Variants in TRIM17 observed in about 807,000 individuals in gnomAD.
TRIM17 encodes the protein E3 ubiquitin-protein ligase TRIM17.
A neutral mutation model predicts 35.8 loss-of-function variants in TRIM17; 27 were observed. The observed-to-expected ratio is 0.75, with a 90% CI of 0.56 to 1.04. The LOEUF (loss-of-function observed/expected upper bound fraction) is 1.04. TRIM17 is among the 50% of genes least tolerant of loss of function. The pLI is 0.00. For synonymous variants in TRIM17, 246 were observed against 252.6 expected, an observed-to-expected ratio of 0.97 and a Z score of 0.25; for missense variants, 582 against 612.8, an observed-to-expected ratio of 0.95 and a Z score of 0.53.
chr1:228,408,880 T>C lies in TRIM17; in HGVS notation c.884-129A>G. ...CTAACTCCGCAGAGGCCTCCCCTGC[T>C]GTGAATCTGGGGTTACTTGATGCTT... On this transcript the variant is annotated intron_variant, in intron 6 of 6. Transcript: ENST00000366698. The surrounding 1 kb of genome is among the most constrained non-coding windows in gnomAD (Gnocchi z 6.3). 3 of 1,481,880 alleles carry C rather than the reference T, an allele frequency of 2.0e-6. No individual in the cohort carries two copies. Among genetic ancestry groups the C allele is most frequent in the Non-Finnish European group, 2.7e-6 (3 of 1,115,484 alleles). The allele number at this position is 1,481,880 out of a possible 1,614,324, so 91.8% of individuals were successfully genotyped here.
intron 1 of TRIM17, chr1:228,416,010 A>AC (rs1423971442): frequency 6.6e-6 from 1 of 151,754 alleles, no homozygotes; most frequent in Admixed American, 6.6e-5. Flanking sequence ...AACACTCGCG[A>AC]CCCCACGCAG....
At chr1:228,409,358 GC>G in intron 5 of TRIM17, 30 bp downstream of exon 5, 2 of 1,585,560 alleles carry the variant, frequency 1.3e-6, no homozygotes, top group Non-Finnish European at 1.7e-6. Context: ...CGCTGCCACT[GC>G]CCCCGCCCCT....
rs1362693921 is a variant in TRIM17, at chr1:228,415,187, T to C, written c.-41-74A>G. Reference sequence around the variant, plus strand: ...TGCAACCGTCCTGTACAGCCTCCCTTTACAGAGGAGGGCTAGGACTGCAGT... The same window carrying C: ...TGCAACCGTCCTGTACAGCCTCCCTCTACAGAGGAGGGCTAGGACTGCAGT... On this transcript the variant is annotated intron_variant, in intron 1 of 6. Transcript: ENST00000366698. 6 of 1,253,286 alleles carry C rather than the reference T, an allele frequency of 4.8e-6. No individual in the cohort carries two copies. In the East Asian group the frequency reaches 1.3e-4, roughly 27 times the overall value. The allele number at this position is 1,253,286 out of a possible 1,614,324, so 77.6% of individuals were successfully genotyped here. A position where few individuals can be genotyped will look rare whatever the true frequency, so the allele number is the denominator to read the frequency against.
chr1:228,408,483 G>A lies in TRIM17; in HGVS notation c.1152C>T (p.Pro384=), dbSNP rs368638579. The change falls in exon 7 of 7, where the codon CCC becomes CCT. Residue 384 remains proline (P), a synonymous_variant. Coordinates refer to ENST00000366698, the MANE Select transcript of TRIM17 (RefSeq NM_016102.4). The surrounding 1 kb of genome is among the most constrained non-coding windows in gnomAD (Gnocchi z 6.3). ...VSRKDRVPKC[P]ENGFWVVQLS... ...GCTGCACCACCCAGAAGCCGTTTTCGGGGCACTTGGGGACCCTGTCTTTCC... is the reference window on the plus strand; with the variant it reads ...GCTGCACCACCCAGAAGCCGTTTTCAGGGCACTTGGGGACCCTGTCTTTCC... 3.8e-5 allele frequency: 61 copies of A among 1,614,014 alleles called. No homozygotes were observed. Among genetic ancestry groups the A allele is most frequent in the Non-Finnish European group, 4.8e-5 (57 of 1,180,028 alleles).
In TRIM17 at chr1:228,409,424, G is replaced by C; in HGVS notation, c.757-13C>G. Reference sequence around the variant, plus strand: ...GTTCCTTCATGTCCTGCAAAAGACAGGGACGGAGGGTGGGGAGTGAGCCAA... The same window carrying C: ...GTTCCTTCATGTCCTGCAAAAGACACGGACGGAGGGTGGGGAGTGAGCCAA... On this transcript the variant is annotated splice_polypyrimidine_tract_variant and intron_variant, in intron 4 of 6. Transcript: ENST00000366698. 6.6e-7 allele frequency: 1 copy of C among 1,512,052 alleles called. No homozygotes were observed. Among genetic ancestry groups the C allele is most frequent in the South Asian group, 1.3e-5 (1 of 76,976 alleles). The allele number at this position is 1,512,052 out of a possible 1,614,324, so 93.7% of individuals were successfully genotyped here.
intron 3 of TRIM17, among the ~76,000 whole-genome samples, chr1:228,412,920 A>T (rs1051228409): frequency 6.6e-6 from 1 of 152,160 alleles, no homozygotes; most frequent in Non-Finnish European, 1.5e-5. Flanking sequence ...CTAAAAAAAT[A>T]AAGTGCCTGG....
intron 4 of TRIM17, among the ~76,000 whole-genome samples, chr1:228,409,848 A>G (rs981287854): frequency 6.6e-6 from 1 of 152,034 alleles, no homozygotes; most frequent in Admixed American, 6.5e-5. Flanking sequence ...TAGCCTCTTT[A>G]GGGATTCAGA....
At position 228,409,155 on chromosome 1, in the gene TRIM17, C is replaced by T; in HGVS notation, c.883+17G>A. 1 of 1,613,964 alleles carries T rather than the reference C, an allele frequency of 6.2e-7. No homozygotes were observed. Among genetic ancestry groups the T allele is most frequent in the South Asian group, 1.1e-5 (1 of 91,072 alleles). On this transcript the variant is annotated intron_variant, in intron 6 of 6. Coordinates refer to ENST00000366698, the MANE Select transcript of TRIM17 (RefSeq NM_016102.4). ...GAGATCCTGGGTCAGAGGTCCTGGC[C>T]CTGGGTGCCCACTTACCTAGAAAGC...
chr1:228,415,248 T>C (rs1271584218), intron 1 of TRIM17, 135 bp from the exon 2 acceptor site: 4 of 697,796 alleles, frequency 5.7e-6, no homozygotes, highest in Non-Finnish European at 9.3e-6. Context: ...TTTTTAGCCT[T>C]GTCAACAACA....
rs116417401 is a variant in TRIM17, at chr1:228,413,668, G to T, written c.525+129C>A. The stretch of plus-strand genomic sequence containing the variant: ...ATTCTGAGGCCAGCCACAGAACCTA[G>T]AAGGGTAGAGGCAACTTTCTTCTTT... On this transcript the variant is annotated intron_variant, in intron 3 of 6. Coordinates refer to ENST00000366698, the MANE Select transcript of TRIM17 (RefSeq NM_016102.4). The T allele has an allele frequency of 3.0e-5, 21 of 695,370 alleles. No homozygotes were observed. The African/African-American group carries it at 3.5e-4, about 12-fold the overall frequency. The allele number at this position is 695,370 out of a possible 1,614,324, so 43.1% of individuals were successfully genotyped here. A position where few individuals can be genotyped will look rare whatever the true frequency, so the allele number is the denominator to read the frequency against.
intron 4 of TRIM17, 191 bp from the exon 5 acceptor site, chr1:228,409,602 C>T: frequency 1.8e-6 from 1 of 552,580 alleles, no homozygotes; most frequent in East Asian, 3.1e-5. Context: ...ACCAGAGCCC[C>T]CAGTGCCTCA....
intron 3 of TRIM17, among the ~76,000 whole-genome samples, chr1:228,413,044 C>G (rs1656870293): frequency 6.6e-6 from 1 of 151,972 alleles, no homozygotes; most frequent in Non-Finnish European, 1.5e-5. Context: ...AACCCCATCT[C>G]TACTAAAAGT....
rs1478083791 is a variant in TRIM17, at chr1:228,408,358, G to T, written c.1277C>A (p.Ala426Asp). 1 of 1,614,134 alleles carries T rather than the reference G, an allele frequency of 6.2e-7. No individual in the cohort carries two copies. The highest frequency in any genetic ancestry group is 8.5e-7 in the Non-Finnish European group (1 of 1,180,000). Residue 426 changes from alanine (A) to aspartate (D), a missense_variant, in exon 7 of 7, where the codon GCC becomes GAC. Coordinates refer to ENST00000366698, the MANE Select transcript of TRIM17 (RefSeq NM_016102.4). The surrounding 1 kb of genome is among the most constrained non-coding windows in gnomAD (Gnocchi z 6.3). ...TACACTGTAGAAGGACACTTCCCCGGCTTCGAAGTCCAGGAAGATGCCCAT... is the reference window on the plus strand; with the variant it reads ...TACACTGTAGAAGGACACTTCCCCGTCTTCGAAGTCCAGGAAGATGCCCAT... ...SHMGIFLDFE[A>D]GEVSFYSVSD...
chr1:228,414,614 C>G (rs1267430873), intron 2 of TRIM17, 30 bp downstream of exon 2: 2 of 1,586,238 alleles, frequency 1.3e-6, no homozygotes, highest in South Asian at 2.2e-5. Context: ...TCCTCCCCGG[C>G]CCCTTGACCT....
At position 228,410,940 on chromosome 1, in the gene TRIM17, G is replaced by A. The variant is rs865894470; in HGVS notation, c.756+6C>T. The stretch of plus-strand genomic sequence containing the variant: ...CCCACCCTGCCTGCCAAGCCTACTG[G>A]CTCACCTGCAGCATCTGGAGGGGCC... On this transcript the variant is annotated splice_donor_region_variant and intron_variant, in intron 4 of 6. Transcript: ENST00000366698. The surrounding 1 kb of genome is among the most constrained non-coding windows in gnomAD (Gnocchi z 4.6). 3.9e-6 allele frequency: 6 copies of A among 1,529,656 alleles called. No homozygotes were observed. The African/African-American group carries it at 6.9e-5, about 17-fold the overall frequency. The allele number at this position is 1,529,656 out of a possible 1,614,324, so 94.8% of individuals were successfully genotyped here.
rs755288510 is a variant in TRIM17 at position 228,408,454 on chromosome 1, G to C, written c.1181C>G (p.Ser394Cys). The C allele has an allele frequency of 3.7e-6, 6 of 1,614,074 alleles. No homozygotes were observed. The African/African-American group carries it at 8.0e-5, about 22-fold the overall frequency. ...GGTGGATAAGTACTTGGTCCCCTTG[G>C]ACAGCTGCACCACCCAGAAGCCGTT... The part of the protein sequence containing the change: ...PENGFWVVQL[S>C]KGTKYLSTFS... The change falls in exon 7 of 7, where the codon TCC (serine) becomes TGC (cysteine). Residue 394 changes from serine to cysteine, a missense_variant. Ser to Cys is a moderately radical substitution (Grantham distance 112). Transcript: ENST00000366698. This position sits in a 1 kb window ranked among gnomAD's most constrained non-coding sequence, Gnocchi z 6.3.
chr1:228,413,682 A>T (rs1656913228), intron 3 of TRIM17, 115 bp downstream of exon 3: 3 of 798,766 alleles, frequency 3.8e-6, no homozygotes, highest in Non-Finnish European at 4.1e-6. Context: ...GGTAGAGGCA[A>T]CTTTCTTCTT....
intron 3 of TRIM17, among the ~76,000 whole-genome samples, chr1:228,412,197 A>G (rs1448000294): frequency 1.3e-5 from 2 of 152,082 alleles, no homozygotes; most frequent in African/African-American, 4.8e-5. Context: ...ACCAGTTGAG[A>G]CCATCTGCCC....
chr1:228,408,683 AG>A lies in TRIM17; in HGVS notation c.951del (p.Tyr318ThrfsTer40), dbSNP rs774965282. The A allele has an allele frequency of 1.2e-6, 2 of 1,610,368 alleles. No homozygotes were observed. Among genetic ancestry groups the A allele is most frequent in the Non-Finnish European group, 1.7e-6 (2 of 1,180,002 alleles). On this transcript the variant is annotated frameshift_variant, in exon 7 of 7. Coordinates refer to ENST00000366698, the MANE Select transcript of TRIM17 (RefSeq NM_016102.4). LOFTEE classifies it low-confidence loss of function (END_TRUNC). This position sits in a 1 kb window ranked among gnomAD's most constrained non-coding sequence, Gnocchi z 6.3. ...YLLLYESRQR[R>X]YLGSSPEGSG... The stretch of plus-strand genomic sequence containing the variant: ...CTGCCCTCCGGCGAAGAGCCGAGGT[AG>A]CGCCTCTGGCGGCTCTCATACAGGA...
Sources: gnomAD v4.1 joint callset for allele counts (sites outside exome capture counted in the v4.1 genomes callset) on GRCh38, gnomAD v4.1.1 for gene constraint, Gnocchi (gnomAD v3.1) non-coding constraint, MANE v1.5 for transcripts, NCBI Gene and HGNC (gene_info 2026-07-23, HGNC 2026-07-21) for gene names.